ERVMER34-1: variants seen among roughly 807,000 people sequenced by gnomAD.
ERVMER34-1 encodes the protein endogenous retrovirus group MER34 member 1, envelope, also known as endogenous retroviral envelope protein HEMO.
For synonymous variants in ERVMER34-1, 199 were observed against 111.7 expected (o/e 1.78, Z -4.93); for missense variants, 471 against 295.1 (o/e 1.60, Z -4.37).
In ERVMER34-1 at chr4:52,751,190, C is replaced by T. The variant is rs532615030; in HGVS notation, c.-563-121G>A. 2.0e-5 allele frequency: 3 copies of T among 152,310 alleles called. No individual in the cohort carries two copies. In the East Asian group the frequency reaches 5.9e-4, roughly 30 times the overall value. 9.4% of individuals were successfully genotyped at this position (152,310 alleles called of 1,614,324 possible). A position where few individuals can be genotyped will look rare whatever the true frequency, so the allele number is the denominator to read the frequency against. ...CCCTGGGACGGGCACGGCCGTCCGC[C>T]CCCTGGGCCGCCGAGGGCTGCTTTA... On this transcript the variant is annotated intron_variant, in intron 1 of 2. Coordinates refer to ENST00000443173, the MANE Select transcript of ERVMER34-1 (RefSeq NM_001242690.2).
chr4:52,743,941 G>T lies in ERVMER34-1; in HGVS notation c.1580C>A (p.Ala527Asp), dbSNP rs769908217. 9.4e-6 allele frequency: 11 copies of T among 1,174,904 alleles called. No homozygotes were observed. In the South Asian group the frequency reaches 1.3e-4, roughly 14 times the overall value. 72.8% of individuals were successfully genotyped at this position (1,174,904 alleles called of 1,614,324 possible). Residue 527 changes from alanine (A) to aspartate (D), a missense_variant, in exon 3 of 3, where the codon GCC becomes GAC. Physicochemically the swap from Ala to Asp is moderately radical, Grantham distance 126. Coordinates refer to ENST00000443173, the MANE Select transcript of ERVMER34-1 (RefSeq NM_001242690.2). ...RSLNSQPLNL[A>D]LSPQQSAQLL... is the part of the protein sequence containing the mutation. Reference sequence around the variant, plus strand: ...CTGTGCTGATTGCTGTGGAGATAAGGCTAGGTTCAGAGGTTGGGAGTTAAG... The same window carrying T: ...CTGTGCTGATTGCTGTGGAGATAAGTCTAGGTTCAGAGGTTGGGAGTTAAG...
intron 2 of ERVMER34-1, among the ~76,000 whole-genome samples, chr4:52,750,440 T>C (rs1263222200): frequency 2.0e-5 from 3 of 152,204 alleles, no homozygotes; most frequent in Admixed American, 6.5e-5. Flanking sequence ...AGTATCTTTA[T>C]GGAATTGTAG....
chr4:52,749,385 A>C (rs535071835), intron 2 of ERVMER34-1, among the ~76,000 whole-genome samples: 1 of 152,220 alleles, frequency 6.6e-6, no homozygotes, highest in South Asian at 2.1e-4. Flanking sequence ...CAACTCTGTA[A>C]TGCTCTAAAC....
intron 2 of ERVMER34-1, among the ~76,000 whole-genome samples, chr4:52,747,923 G>A (rs779269576): frequency 5.9e-5 from 9 of 152,214 alleles, no homozygotes; most frequent in African/African-American, 2.2e-4. Context: ...TGTAATCCCA[G>A]CTACTCGGGA....
Position 52,750,218 on chromosome 4 carries a change from C to T in ERVMER34-1, c.-424+712G>A, listed in dbSNP as rs1716252029. Among the ~76,000 whole-genome samples the T allele has an allele frequency of 5.3e-5, 8 of 152,164 alleles. No individual in the cohort carries two copies. The South Asian group carries it at 1.7e-3, about 32-fold the overall frequency. On this transcript the variant is annotated intron_variant, in intron 2 of 2. Coordinates refer to ENST00000443173, the MANE Select transcript of ERVMER34-1 (RefSeq NM_001242690.2). ...TTCACCATGTTGGCCAGGTAGGTCT[C>T]GAACTCCTGACCTCAGGCAATCCGC...
rs1230019174 is a variant in ERVMER34-1 at position 52,744,845 on chromosome 4, C to T, written c.676G>A (p.Asp226Asn). 6 of 704,114 alleles carry T rather than the reference C, an allele frequency of 8.5e-6. No homozygotes were observed. The highest frequency in any genetic ancestry group is 1.6e-5 in the Non-Finnish European group (6 of 385,016). 43.6% of individuals were successfully genotyped at this position (704,114 alleles called of 1,614,324 possible). A position where few individuals can be genotyped will look rare whatever the true frequency, so the allele number is the denominator to read the frequency against. The change falls in exon 3 of 3, where the codon GAC (aspartate) becomes AAC (asparagine). Residue 226 changes from aspartate to asparagine, a missense_variant. Asp to Asn is a conservative substitution (Grantham distance 23). Transcript: ENST00000443173. ...TTTTGGCAGCTATAGAGACAGGTGT[C>T]ATTACCTGACCAGGTCAATCCAGAA... Reference protein sequence around the residue: ...RNSGLTWSGNDTCLYSCQNQT... With the variant: ...RNSGLTWSGNNTCLYSCQNQT...
Position 52,743,063 on chromosome 4 carries a change from T to C in ERVMER34-1, c.*766A>G, listed in dbSNP as rs777657272. 6.6e-6 allele frequency: 1 copy of C among 151,624 alleles called. No homozygotes were observed. 9.4% of individuals were successfully genotyped at this position (151,624 alleles called of 1,614,324 possible). A position where few individuals can be genotyped will look rare whatever the true frequency, so the allele number is the denominator to read the frequency against. On this transcript the variant is annotated 3_prime_UTR_variant, in exon 3 of 3. Transcript: ENST00000443173. ...ACACCGAGAGGATTAACTAGAAAGA[T>C]GCATGTAAGGAACTCACCAGAGGAC...
Position 52,744,520 on chromosome 4 carries a change from G to A in ERVMER34-1, c.1001C>T (p.Ala334Val), listed in dbSNP as rs1438147726. The change falls in exon 3 of 3, where the codon GCT (alanine) becomes GTT (valine). Residue 334 changes from alanine (A) to valine (V), a missense_variant. Ala to Val is a moderately conservative substitution (Grantham distance 64). Coordinates refer to ENST00000443173, the MANE Select transcript of ERVMER34-1 (RefSeq NM_001242690.2). Reference sequence around the variant, plus strand: ...GGATCTCAGGTTTGTAATTTGGCTAGCATTTAAGGTGAGGTATCTGGTGAG... The same window carrying A: ...GGATCTCAGGTTTGTAATTTGGCTAACATTTAAGGTGAGGTATCTGGTGAG... ...PSLTRYLTLN[A>V]SQITNLRSFI... is the part of the protein sequence containing the mutation. 2 of 703,952 alleles carry A rather than the reference G, an allele frequency of 2.8e-6. No individual in the cohort carries two copies. Among genetic ancestry groups the A allele is most frequent in the African/African-American group, 3.5e-5 (2 of 57,230 alleles). 43.6% of individuals were successfully genotyped at this position (703,952 alleles called of 1,614,324 possible). A position where few individuals can be genotyped will look rare whatever the true frequency, so the allele number is the denominator to read the frequency against.
At position 52,745,877 on chromosome 4, in the gene ERVMER34-1, CTCT is replaced by C. The variant is rs1262424259; in HGVS notation, c.-360_-358del. ...GGTGGTTAGCAGTACTTCATAAGGT[CTCT>C]TCTTTTTCCAGGGAGGTTACAACAC... is the stretch of plus-strand genomic sequence containing the variant. On this transcript the variant is annotated 5_prime_UTR_variant, in exon 3 of 3. Coordinates refer to ENST00000443173, the MANE Select transcript of ERVMER34-1 (RefSeq NM_001242690.2). 1 of 198,890 alleles carries C rather than the reference CTCT, an allele frequency of 5.0e-6. No homozygotes were observed. The highest frequency in any genetic ancestry group is 1.0e-5 in the Non-Finnish European group (1 of 97,842). 12.3% of individuals were successfully genotyped at this position (198,890 alleles called of 1,614,324 possible). A position where few individuals can be genotyped will look rare whatever the true frequency, so the allele number is the denominator to read the frequency against.
chr4:52,750,042 G>A (rs530247088), intron 2 of ERVMER34-1, among the ~76,000 whole-genome samples: 15 of 152,002 alleles, frequency 9.9e-5, no homozygotes, highest in South Asian at 4.2e-4. Flanking sequence ...TCTGTTGCTC[G>A]GGCTGGAGTG....
At chr4:52,748,931 C>A (rs1055681634) in intron 2 of ERVMER34-1, among the ~76,000 whole-genome samples, 1 of 152,084 alleles carries the variant, frequency 6.6e-6, no homozygotes, top group Non-Finnish European at 1.5e-5. Context: ...GCATGGCTCA[C>A]TGCAGCATCG....
Position 52,745,007 on chromosome 4 carries a change from C to G in ERVMER34-1, c.514G>C (p.Asp172His), listed in dbSNP as rs1268949678. ...CCTAGGCAAACACTTGTATCATCAT[C>G]ATCGTTCCTGGATTCATTTGTAACA... ...IDVTNESRNDDDDTSVCLGTR... is the reference protein window; with the variant it reads ...IDVTNESRNDHDDTSVCLGTR... Residue 172 changes from aspartate (D) to histidine (H), a missense_variant, in exon 3 of 3, where the codon GAT becomes CAT. Coordinates refer to ENST00000443173, the MANE Select transcript of ERVMER34-1 (RefSeq NM_001242690.2). The G allele has an allele frequency of 2.8e-6, 2 of 704,174 alleles. No homozygotes were observed. Among genetic ancestry groups the G allele is most frequent in the Non-Finnish European group, 5.2e-6 (2 of 385,018 alleles). 43.6% of individuals were successfully genotyped at this position (704,174 alleles called of 1,614,324 possible). A position where few individuals can be genotyped will look rare whatever the true frequency, so the allele number is the denominator to read the frequency against.
Position 52,744,532 on chromosome 4 carries a change from A to C in ERVMER34-1, c.989T>G (p.Leu330Arg). 2.8e-6 allele frequency: 2 copies of C among 704,052 alleles called. No individual in the cohort carries two copies. Among genetic ancestry groups the C allele is most frequent in the Non-Finnish European group, 5.2e-6 (2 of 384,998 alleles). The allele number at this position is 704,052 out of a possible 1,614,324, so 43.6% of individuals were successfully genotyped here. ...TGTAATTTGGCTAGCATTTAAGGTG[A>C]GGTATCTGGTGAGGGAAGGTACAAG... The part of the protein sequence containing the change: ...GYLVPSLTRY[L>R]TLNASQITNL... Residue 330 changes from leucine to arginine, a missense_variant, in exon 3 of 3, where the codon CTC becomes CGC. Leu to Arg is a moderately radical substitution (Grantham distance 102). Transcript: ENST00000443173.
In ERVMER34-1 at chr4:52,745,452, T is replaced by C. The variant is rs1223103741; in HGVS notation, c.69A>G (p.Gln23=). 1.4e-6 allele frequency: 1 copy of C among 703,834 alleles called. No homozygotes were observed. The highest frequency in any genetic ancestry group is 1.7e-5 in the African/African-American group (1 of 57,190). The allele number at this position is 703,834 out of a possible 1,614,324, so 43.6% of individuals were successfully genotyped here. ...TLTAFLTILV[Q]PQHLLAPVFR... Reference sequence around the variant, plus strand: ...AAACTGGAGCAAGCAGGTGCTGAGGTTGTACTAGAATTGTCAAAAAAGCAG... The same window carrying C: ...AAACTGGAGCAAGCAGGTGCTGAGGCTGTACTAGAATTGTCAAAAAAGCAG... Residue 23 remains glutamine (Q), a synonymous_variant, in exon 3 of 3, where the codon CAA becomes CAG. Transcript: ENST00000443173.
chr4:52,745,664 G>A lies in ERVMER34-1; in HGVS notation c.-144C>T. On this transcript the variant is annotated 5_prime_UTR_variant, in exon 3 of 3. Transcript: ENST00000443173. ...GTTTCAGCTAGTTGGAGATGGAGAT[G>A]AAGTTCTTGGTCTGAGATACTGAGT... 1.6e-6 allele frequency: 1 copy of A among 610,596 alleles called. No homozygotes were observed. Among genetic ancestry groups the A allele is most frequent in the Non-Finnish European group, 2.9e-6 (1 of 344,206 alleles). 37.8% of individuals were successfully genotyped at this position (610,596 alleles called of 1,614,324 possible).
intron 2 of ERVMER34-1, among the ~76,000 whole-genome samples, chr4:52,746,399 G>A (rs1224550313): frequency 6.6e-6 from 1 of 152,124 alleles, no homozygotes; most frequent in African/African-American, 2.4e-5. Flanking sequence ...TTTTCCTAGA[G>A]TTCATTTTAT....
rs113024322 is a variant in ERVMER34-1 at position 52,743,714 on chromosome 4, A to G, written c.*115T>C. ...GGAGGTCCTAGTGCTAAGTGCCCTT[A>G]TAAGAGGAACACTCAGAGGAGGGTT... On this transcript the variant is annotated 3_prime_UTR_variant, in exon 3 of 3. Transcript: ENST00000443173. 5.3e-4 allele frequency: 499 copies of G among 946,202 alleles called. 4 individuals carry two copies. In the African/African-American group the frequency reaches 7.3e-3, roughly 14 times the overall value. 58.6% of individuals were successfully genotyped at this position (946,202 alleles called of 1,614,324 possible).
At position 52,743,926 on chromosome 4, in the gene ERVMER34-1, T is replaced by C; in HGVS notation, c.1595A>G (p.Gln532Arg). ...TTCACTGACAAGGAGCTGTGCTGAT[T>C]GCTGTGGAGATAAGGCTAGGTTCAG... The part of the protein sequence containing the change: ...QPLNLALSPQ[Q>R]SAQLLVSETS... The change falls in exon 3 of 3, where the codon CAA (glutamine) becomes CGA (arginine). Residue 532 changes from glutamine to arginine, a missense_variant. Gln to Arg is a conservative substitution (Grantham distance 43). Transcript: ENST00000443173. 7.6e-7 allele frequency: 1 copy of C among 1,314,078 alleles called. No individual in the cohort carries two copies. The highest frequency in any genetic ancestry group is 1.1e-6 in the Non-Finnish European group (1 of 943,124). The allele number at this position is 1,314,078 out of a possible 1,614,324, so 81.4% of individuals were successfully genotyped here.
rs1397434879 is a variant in ERVMER34-1 at position 52,744,111 on chromosome 4, A to G, written c.1410T>C (p.Asn470=). The change falls in exon 3 of 3, where the codon AAT becomes AAC. Residue 470 remains asparagine, a synonymous_variant. Coordinates refer to ENST00000443173, the MANE Select transcript of ERVMER34-1 (RefSeq NM_001242690.2). ...RLHEASENLK[N]VPLLDWQGIF... is the part of the protein sequence containing the mutation. ...TGCCTTGCCAATCAAGTAACGGTAC[A>G]TTCTTCAGGTTCTCGGATGCTTCGT... is the stretch of plus-strand genomic sequence containing the variant. 1.1e-5 allele frequency: 8 copies of G among 704,054 alleles called. No homozygotes were observed. The highest frequency in any genetic ancestry group is 2.6e-6 in the Non-Finnish European group (1 of 385,030). The allele number at this position is 704,054 out of a possible 1,614,324, so 43.6% of individuals were successfully genotyped here.
Sources: allele counts gnomAD v4.1 joint callset (sites outside exome capture counted in the v4.1 genomes callset), GRCh38; gene constraint gnomAD v4.1.1; transcripts MANE v1.5; gene names NCBI Gene and HGNC (gene_info 2026-07-23, HGNC 2026-07-21).